Variants in LPP observed in about 807,000 individuals in gnomAD.
LPP encodes the protein lipoma-preferred partner.
LPP carries 38 observed loss-of-function variants against 60.4 expected under a neutral mutation model. That is an observed-to-expected ratio of 0.63 (90% CI 0.49 to 0.83). The LOEUF (loss-of-function observed/expected upper bound fraction) is 0.83. Among genes scored for constraint, LPP ranks in the 40% least tolerant of loss-of-function variants. LPP has a pLI of 0.00. For missense variants in LPP, 902 were observed against 783.6 expected, an observed-to-expected ratio of 1.15 and a Z score of -1.80; for synonymous variants, 328 against 290.8, an observed-to-expected ratio of 1.13 and a Z score of -1.30.
chr3:188,747,245 A>G (rs776762469), intron 8 of LPP, among the ~76,000 whole-genome samples: 3 of 152,172 alleles, frequency 2.0e-5, no homozygotes, highest in African/African-American at 4.8e-5. Flanking sequence ...TCACAGGTCT[A>G]TAAGCTCTTA....
chr3:188,442,849 A>C (rs1337883090), intron 4 of LPP, among the ~76,000 whole-genome samples: 1 of 152,162 alleles, frequency 6.6e-6, no homozygotes, highest in Admixed American at 6.5e-5. Context: ...TCGTCTTGAG[A>C]ATGTCAGCTG....
intron 2 of LPP, among the ~76,000 whole-genome samples, chr3:188,269,329 T>TC (rs201618191): frequency 6.0e-5 from 9 of 149,104 alleles, no homozygotes; most frequent in African/African-American, 2.3e-4. Flanking sequence ...GGTATTGATT[T>TC]CCCCGTCTCA....
At chr3:188,477,543 C>T (rs1471493736) in intron 4 of LPP, among the ~76,000 whole-genome samples, 1 of 152,110 alleles carries the variant, frequency 6.6e-6, no homozygotes, top group East Asian at 1.9e-4. Flanking sequence ...TGGGATGTAT[C>T]CTCAATTTTT....
At chr3:188,280,363 A>T (rs1205854722) in intron 2 of LPP, among the ~76,000 whole-genome samples, 3 of 152,112 alleles carry the variant, frequency 2.0e-5, no homozygotes, top group Non-Finnish European at 4.4e-5. Flanking sequence ...ATGACAATTG[A>T]AGAGGTTGTG....
chr3:188,432,956 G>T (rs1791302574), intron 4 of LPP, among the ~76,000 whole-genome samples: 1 of 152,122 alleles, frequency 6.6e-6, no homozygotes, highest in African/African-American at 2.4e-5. Context: ...ATTCTGCCAA[G>T]AGCTGTGCAG....
At chr3:188,583,196 C>T (rs1004515961) in intron 6 of LPP, among the ~76,000 whole-genome samples, 2 of 152,082 alleles carry the variant, frequency 1.3e-5, no homozygotes, top group East Asian at 1.9e-4. Flanking sequence ...TTTCCACGTG[C>T]GAAATAGGAA....
chr3:188,862,927 A>G (rs1189499461), intron 9 of LPP, among the ~76,000 whole-genome samples: 1 of 152,094 alleles, frequency 6.6e-6, no homozygotes, highest in Admixed American at 6.5e-5. Flanking sequence ...AGATGAATCC[A>G]ATATTTGTAT....
intron 6 of LPP, among the ~76,000 whole-genome samples, chr3:188,536,289 G>A (rs546444684): frequency 3.8e-4 from 58 of 151,332 alleles, no homozygotes; most frequent in African/African-American, 1.3e-3. Context: ...GATTACAGGC[G>A]TGAGCCACTG....
chr3:188,815,072 A>G (rs894464274), intron 9 of LPP, among the ~76,000 whole-genome samples: 3 of 152,250 alleles, frequency 2.0e-5, no homozygotes, highest in African/African-American at 4.8e-5. Context: ...AATACTAGTT[A>G]TGATTATGTT....
intron 1 of LPP, among the ~76,000 whole-genome samples, chr3:188,211,665 C>A (rs953010221): frequency 2.6e-5 from 4 of 152,248 alleles, no homozygotes; most frequent in Admixed American, 2.0e-4. Context: ...CAATTCACCC[C>A]CACTTTTCCT....
intron 7 of LPP, among the ~76,000 whole-genome samples, chr3:188,704,655 A>G (rs1213137922): frequency 6.6e-6 from 1 of 152,170 alleles, no homozygotes; most frequent in African/African-American, 2.4e-5. Context: ...CGTGGTTTCT[A>G]ATGCCTGGAT....
At chr3:188,194,291 T>C (rs1376594420) in intron 1 of LPP, among the ~76,000 whole-genome samples, 1 of 152,264 alleles carries the variant, frequency 6.6e-6, no homozygotes, top group African/African-American at 2.4e-5. Context: ...TTACACCTTT[T>C]CTAATTTCCC....
At chr3:188,323,116 T>G (rs1344705368) in intron 2 of LPP, among the ~76,000 whole-genome samples, 1 of 152,214 alleles carries the variant, frequency 6.6e-6, no homozygotes, top group Non-Finnish European at 1.5e-5. Context: ...TGTGCTGGCT[T>G]CCCGGTAGAC....
chr3:188,713,693 A>G (rs962370434), intron 8 of LPP, among the ~76,000 whole-genome samples: 6 of 152,158 alleles, frequency 3.9e-5, no homozygotes, highest in African/African-American at 1.4e-4. Flanking sequence ...GGGAGGCAGA[A>G]TCACCTCAGG....
chr3:188,375,262 C>T (rs1160514383), intron 3 of LPP, among the ~76,000 whole-genome samples: 1 of 152,062 alleles, frequency 6.6e-6, no homozygotes, highest in South Asian at 2.1e-4. Context: ...CTGTTGATTG[C>T]AATAGTTTCA....
intron 1 of LPP, among the ~76,000 whole-genome samples, chr3:188,207,683 C>T (rs988137592): frequency 6.7e-6 from 1 of 149,110 alleles, no homozygotes; most frequent in African/African-American, 2.5e-5. Flanking sequence ...GTCTTGAACT[C>T]CTGGGCTCAA....
intron 9 of LPP, among the ~76,000 whole-genome samples, chr3:188,762,944 A>G (rs1372087054): frequency 6.6e-6 from 1 of 152,190 alleles, no homozygotes; most frequent in Non-Finnish European, 1.5e-5. Flanking sequence ...AAGCCCTCAG[A>G]TGGATGTATC....
At chr3:188,417,427 C>T (rs920634967) in intron 4 of LPP, among the ~76,000 whole-genome samples, 13 of 151,902 alleles carry the variant, frequency 8.6e-5, no homozygotes, top group African/African-American at 3.1e-4. Context: ...GCATGGCATG[C>T]CAAGTAAAGG....
chr3:188,606,421 A>T (rs910906360), intron 6 of LPP, among the ~76,000 whole-genome samples: 1 of 142,008 alleles, frequency 7.0e-6, no homozygotes, highest in African/African-American at 2.5e-5. Flanking sequence ...GTTAAGTTAC[A>T]AGAAGCTCTT....
Sources: allele counts gnomAD v4.1 joint callset (sites outside exome capture counted in the v4.1 genomes callset), GRCh38; gene constraint gnomAD v4.1.1; transcripts MANE v1.5; gene names NCBI Gene and HGNC (gene_info 2026-07-23, HGNC 2026-07-21).